PLCZ1: variants seen among roughly 807,000 people sequenced by gnomAD.
The protein encoded by PLCZ1 is 1-phosphatidylinositol 4,5-bisphosphate phosphodiesterase zeta-1.
In PLCZ1, 64 loss-of-function variants were observed where a neutral mutation model predicts 76.8. The ratio of observed to expected loss-of-function variants is 0.83; its 90% CI spans 0.68 to 1.03. PLCZ1 has a LOEUF of 1.03. Ranked by LOEUF, PLCZ1 falls within the 50% of genes least tolerant of loss-of-function variation. PLCZ1 has a pLI of 0.00. For synonymous variants in PLCZ1, 248 were observed against 230.8 expected, an observed-to-expected ratio of 1.07 and a Z score of -0.68; for missense variants, 751 against 713.7, an observed-to-expected ratio of 1.05 and a Z score of -0.60.
chr12:18,648,236 A>G, the PLCZ1 span: 1 of 311,428 alleles, frequency 3.2e-6, no homozygotes, highest in Non-Finnish European at 5.9e-6. Flanking sequence ...CCTTCAGTGG[A>G]GTACTGATTG....
chr12:18,650,151 T>C, the PLCZ1 span, among the ~76,000 whole-genome samples: 2 of 151,946 alleles, frequency 1.3e-5, no homozygotes, highest in East Asian at 3.9e-4. Context: ...AAACTCAGTA[T>C]CCCCAAAAGT....
At chr12:18,737,014 T>G (rs1181050659) in intron 2 of PLCZ1, among the ~76,000 whole-genome samples, 1 of 152,064 alleles carries the variant, frequency 6.6e-6, no homozygotes, top group Admixed American at 6.6e-5. Flanking sequence ...ACACTTCCAT[T>G]TGAAAAACTA....
In PLCZ1 at chr12:18,691,081, G is replaced by C. The variant is rs565024582; in HGVS notation, c.1462-2863C>G. ...ACCTGATGACAGGTAGTAAATTCCTGATACAGGAGAGCAGCAAAATAGGTC... is the reference window on the plus strand; with the variant it reads ...ACCTGATGACAGGTAGTAAATTCCTCATACAGGAGAGCAGCAAAATAGGTC... On this transcript the variant is annotated intron_variant, in intron 12 of 14. Transcript: ENST00000266505. Among the ~76,000 whole-genome samples the C allele has an allele frequency of 2.0e-3, 311 of 152,236 alleles. 1 individual carries two copies. Among genetic ancestry groups the C allele is most frequent in the African/African-American group, 7.1e-3 (296 of 41,558 alleles).
rs767008304 is a variant in PLCZ1, at chr12:18,719,387, C to T, written c.569+44G>A. On this transcript the variant is annotated intron_variant, in intron 5 of 14. Coordinates refer to ENST00000266505, the MANE Select transcript of PLCZ1 (RefSeq NM_033123.4). ...CTGAGGTAGACACTGCCAGGAACTT[C>T]CAAGTATTTTTAAATGTAATAGATT... 47 of 1,192,938 alleles carry T rather than the reference C, an allele frequency of 3.9e-5. No individual in the cohort carries two copies. In the African/African-American group the frequency reaches 7.2e-4, roughly 18 times the overall value. The allele number at this position is 1,192,938 out of a possible 1,614,324, so 73.9% of individuals were successfully genotyped here.
the PLCZ1 span, among the ~76,000 whole-genome samples, chr12:18,666,780 C>T: frequency 1.5e-3 from 226 of 152,288 alleles, no homozygotes; most frequent in African/African-American, 4.7e-3. Flanking sequence ...AGACATGAAA[C>T]ATTCTCCAGG....
the PLCZ1 span, among the ~76,000 whole-genome samples, chr12:18,662,874 TACTTAAA>T: frequency 2.0e-5 from 3 of 151,890 alleles, no homozygotes; most frequent in Non-Finnish European, 4.4e-5. Context: ...AATGAGAAAA[TACTTAAA>T]ACATTTAACT....
At chr12:18,659,074 T>C in the PLCZ1 span, among the ~76,000 whole-genome samples, 1,385 of 152,054 alleles carry the variant, frequency 9.1e-3, 33 homozygotes, top group East Asian at 0.067. Flanking sequence ...CCAACATGGA[T>C]AGGAAACAGT....
intron 10 of PLCZ1, among the ~76,000 whole-genome samples, chr12:18,697,179 G>A (rs922220594): frequency 6.6e-6 from 1 of 151,992 alleles, no homozygotes; most frequent in Non-Finnish European, 1.5e-5. Flanking sequence ...TGGGAGAATG[G>A]TTACTGCTTA....
chr12:18,648,772 G>A, the PLCZ1 span, among the ~76,000 whole-genome samples: 10 of 152,056 alleles, frequency 6.6e-5, no homozygotes, highest in East Asian at 1.9e-4. Flanking sequence ...ACCTACTTTC[G>A]TAGTCACCAT....
intron 6 of PLCZ1, among the ~76,000 whole-genome samples, chr12:18,709,368 G>A (rs1223123538): frequency 1.3e-5 from 2 of 151,986 alleles, no homozygotes; most frequent in Non-Finnish European, 2.9e-5. Flanking sequence ...CTGTTCCACT[G>A]GTCTATATGT....
At chr12:18,652,374 G>C in the PLCZ1 span, among the ~76,000 whole-genome samples, 3 of 152,080 alleles carry the variant, frequency 2.0e-5, no homozygotes, top group Non-Finnish European at 4.4e-5. Flanking sequence ...GCATCTACAA[G>C]TCAAGGAATG....
chr12:18,674,822 A>G, the PLCZ1 span, among the ~76,000 whole-genome samples: 1 of 152,166 alleles, frequency 6.6e-6, no homozygotes, highest in Non-Finnish European at 1.5e-5. Context: ...GCCTCAACAC[A>G]GATTGCACCC....
At chr12:18,704,192 A>G (rs1337759727) in intron 7 of PLCZ1, among the ~76,000 whole-genome samples, 1 of 152,216 alleles carries the variant, frequency 6.6e-6, no homozygotes, top group Non-Finnish European at 1.5e-5. Context: ...GAGGTTCATT[A>G]GAATTTATCA....
chr12:18,710,127 T>TCCTA (rs1325140372), intron 6 of PLCZ1, among the ~76,000 whole-genome samples: 2 of 150,440 alleles, frequency 1.3e-5, no homozygotes, highest in Non-Finnish European at 3.0e-5. Flanking sequence ...CTTCTTTTCT[T>TCCTA]CCTATTGGAA....
intron 12 of PLCZ1, among the ~76,000 whole-genome samples, chr12:18,689,837 A>G (rs1953786717): frequency 6.6e-6 from 1 of 152,194 alleles, no homozygotes; most frequent in Non-Finnish European, 1.5e-5. Context: ...AGCTTATAGT[A>G]AAACTTGGCT....
chr12:18,652,238 C>T, the PLCZ1 span, among the ~76,000 whole-genome samples: 9 of 151,926 alleles, frequency 5.9e-5, no homozygotes, highest in East Asian at 1.2e-3. Context: ...TCCCCTAATT[C>T]GCCAGTCCCA....
chr12:18,727,728 T>A (rs1321028120), intron 3 of PLCZ1, among the ~76,000 whole-genome samples: 2 of 152,080 alleles, frequency 1.3e-5, no homozygotes, highest in Non-Finnish European at 2.9e-5. Context: ...AAGAGAGAAA[T>A]CCCATAGATT....
intron 12 of PLCZ1, chr12:18,693,758 A>G (rs1425451946): frequency 6.6e-7 from 1 of 1,522,764 alleles, no homozygotes; most frequent in East Asian, 2.3e-5. Context: ...TGTGAAAGCT[A>G]TCATGGCCAC....
chr12:18,681,730 T>C (rs73060509), downstream of PLCZ1, among the ~76,000 whole-genome samples: 5,183 of 152,150 alleles, frequency 0.034, 141 homozygotes, highest in Middle Eastern at 0.095. Context: ...AAATGAACAA[T>C]TTGGTCTTCA....
Sources: allele counts gnomAD v4.1 joint callset (sites outside exome capture counted in the v4.1 genomes callset), GRCh38; gene constraint gnomAD v4.1.1; transcripts MANE v1.5; gene names NCBI Gene and HGNC (gene_info 2026-07-23, HGNC 2026-07-21).